The following VWF variants were observed in gnomAD, a reference collection of about 807,000 sequenced individuals.
VWF encodes Factor VIII related antigen.
In VWF, 176 loss-of-function variants were observed where a neutral mutation model predicts 308.6. The observed-to-expected ratio is 0.57, with a 90% CI of 0.50 to 0.65. The LOEUF (loss-of-function observed/expected upper bound fraction) is 0.65, where lower values mean the gene tolerates loss of function less well. VWF is among the 30% of genes least tolerant of loss of function. The pLI is 0.00. For synonymous variants in VWF, 1,385 were observed against 1,443.4 expected, an observed-to-expected ratio of 0.96 and a Z score of 0.92; for missense variants, 3,146 against 3,648.2, an observed-to-expected ratio of 0.86 and a Z score of 3.55.
intron 6 of VWF, among the ~76,000 whole-genome samples, chr12:6,090,384 G>A (rs769966688): frequency 2.0e-5 from 3 of 152,094 alleles, no homozygotes; most frequent in Non-Finnish European, 2.9e-5. Context: ...GAGATATCTG[G>A]GCACCTTGTT....
At chr12:6,044,521 T>C in intron 17 of VWF, 70 bp from the exon 18 acceptor site, 1 of 1,553,676 alleles carries the variant, frequency 6.4e-7, no homozygotes, top group Non-Finnish European at 8.7e-7. Context: ...CACTGTCCTT[T>C]GGTCCCCTAG....
intron 6 of VWF, among the ~76,000 whole-genome samples, chr12:6,091,019 C>T (rs1945028924): frequency 6.6e-6 from 1 of 152,196 alleles, no homozygotes; most frequent in Non-Finnish European, 1.5e-5. Flanking sequence ...CGGTACTGGG[C>T]TAGGATCCAG....
At chr12:6,081,652 T>C (rs1420264194) in intron 6 of VWF, among the ~76,000 whole-genome samples, 2 of 152,182 alleles carry the variant, frequency 1.3e-5, no homozygotes, top group African/African-American at 4.8e-5. Flanking sequence ...TCAGTGGTTC[T>C]TAAGGTGAGG....
In VWF at chr12:6,110,970, T is replaced by A. The variant is rs1195620730; in HGVS notation, c.221-2A>T. 1 of 1,613,460 alleles carries A rather than the reference T, an allele frequency of 6.2e-7. No individual in the cohort carries two copies. Among genetic ancestry groups the A allele is most frequent in the Non-Finnish European group, 8.5e-7 (1 of 1,179,442 alleles). ...CTCTCTTGCCATTCTGGAAGTCCCC[T>A]GAAAGAGAAAAAAGTCAATAGTAGT... is the stretch of plus-strand genomic sequence containing the variant. On this transcript the variant is annotated splice_acceptor_variant, in intron 3 of 51. Transcript: ENST00000261405. LOFTEE classifies it high-confidence loss of function.
rs34230288 is a variant in VWF, at chr12:5,993,928, C to T, written c.6532G>A (p.Ala2178Thr). 9 of 1,613,878 alleles carry T rather than the reference C, an allele frequency of 5.6e-6. No homozygotes were observed. Among genetic ancestry groups the T allele is most frequent in the African/African-American group, 2.7e-5 (2 of 74,878 alleles). The change falls in exon 37 of 52, where the codon GCC becomes ACC. Residue 2178 changes from alanine to threonine, a missense_variant. Coordinates refer to ENST00000261405, the MANE Select transcript of VWF (RefSeq NM_000552.5). ...GTCCGACAGAGGTGGGCATAAGAGG[C>T]GATCACCTCACACACTTGCTCCTGG... ...CHQEQVCEVI[A>T]SYAHLCRTNG...
rs751816462 is a variant in VWF, at chr12:6,016,651, G to A, written c.5176C>T (p.Arg1726Cys). Residue 1726 changes from arginine (R) to cysteine (C), a missense_variant, in exon 30 of 52, where the codon CGT becomes TGT. By Grantham distance (180) the Arg-to-Cys change is radical. This residue lies in a region of VWF where 853 missense variants were observed against 1,177.8 expected (regional missense o/e 0.72). Transcript: ENST00000261405. The part of the protein sequence containing the change: ...AFISKANIGP[R>C]LTQVSVLQYG... ...TGCAGCACTGACACCTGAGTGAGAC[G>A]AGGCCCTAAACGGAACGAGAAAATG... 2.2e-5 allele frequency: 36 copies of A among 1,614,096 alleles called. No homozygotes were observed. The highest frequency in any genetic ancestry group is 2.7e-5 in the Non-Finnish European group (32 of 1,180,056).
At chr12:5,951,764 G>T in intron 50 of VWF, 80 bp downstream of exon 50, 1 of 1,492,742 alleles carries the variant, frequency 6.7e-7, no homozygotes, top group Non-Finnish European at 9.4e-7. Context: ...TTGCTAATGG[G>T]TTTCAAGGAG....
intron 42 of VWF, among the ~76,000 whole-genome samples, chr12:5,978,214 C>T (rs948936691): frequency 2.6e-5 from 4 of 151,060 alleles, no homozygotes; most frequent in Non-Finnish European, 5.9e-5. Context: ...ACAAATATCC[C>T]CCAATGAGGT....
intron 47 of VWF, among the ~76,000 whole-genome samples, chr12:5,962,201 A>C (rs1160252360): frequency 6.6e-6 from 1 of 152,204 alleles, no homozygotes; most frequent in Non-Finnish European, 1.5e-5. Flanking sequence ...AGACCTAAAT[A>C]ATCGAAGAGA....
intron 6 of VWF, 109 bp downstream of exon 6, chr12:6,095,351 C>T (rs1346253323): frequency 4.5e-6 from 7 of 1,547,240 alleles, no homozygotes; most frequent in Admixed American, 1.7e-5. Context: ...AATGGCCCTG[C>T]GTAAGTCCAT....
At position 6,110,818 on chromosome 12, in the gene VWF, G is replaced by A. The variant is rs766674950; in HGVS notation, c.323+48C>T. On this transcript the variant is annotated intron_variant, in intron 4 of 51. Transcript: ENST00000261405. The stretch of plus-strand genomic sequence containing the variant: ...CCTCATCTAAAAATGAGGGGGTTGT[G>A]TCAGGGGATCCCTAGGGTCCTTTCT... 7.6e-6 allele frequency: 12 copies of A among 1,578,690 alleles called. No individual in the cohort carries two copies. In the South Asian group the frequency reaches 1.3e-4, roughly 17 times the overall value.
At chr12:6,080,062 A>G (rs1369273607) in intron 6 of VWF, among the ~76,000 whole-genome samples, 1 of 151,746 alleles carries the variant, frequency 6.6e-6, no homozygotes, top group African/African-American at 2.4e-5. Context: ...CACACTTCAG[A>G]TCAAGAGCCT....
intron 28 of VWF, 45 bp from the exon 29 acceptor site, chr12:6,016,915 A>G (rs1835155174): frequency 2.5e-6 from 4 of 1,590,010 alleles, no homozygotes; most frequent in African/African-American, 2.7e-5. Flanking sequence ...GCCAGCAGGG[A>G]CAATGGCCAC....
chr12:6,099,751 T>C (rs1234650093), intron 5 of VWF, among the ~76,000 whole-genome samples: 2 of 151,926 alleles, frequency 1.3e-5, no homozygotes, highest in Non-Finnish European at 2.9e-5. Flanking sequence ...TCAAGATGGA[T>C]TAAAGACTTA....
rs1943745750 is a variant in VWF at position 5,991,730 on chromosome 12, T to C, written c.6798+89A>G. Reference sequence around the variant, plus strand: ...GTAAGAGTCAACCCTGCTGCCACAGTTGGAAGAGGCCAATCACTGGTGAAC... The same window carrying C: ...GTAAGAGTCAACCCTGCTGCCACAGCTGGAAGAGGCCAATCACTGGTGAAC... On this transcript the variant is annotated intron_variant, in intron 38 of 51. Coordinates refer to ENST00000261405, the MANE Select transcript of VWF (RefSeq NM_000552.5). 17 of 1,432,308 alleles carry C rather than the reference T, an allele frequency of 1.2e-5. 1 individual carries two copies. The South Asian group carries it at 1.8e-4, about 16-fold the overall frequency. 88.7% of individuals were successfully genotyped at this position (1,432,308 alleles called of 1,614,324 possible). A position where few individuals can be genotyped will look rare whatever the true frequency, so the allele number is the denominator to read the frequency against.
chr12:5,952,317 G>T (rs895350586), intron 49 of VWF, 74 bp downstream of exon 49: 2 of 1,595,810 alleles, frequency 1.3e-6, no homozygotes, highest in South Asian at 2.2e-5. Flanking sequence ...GCCGGAGCTG[G>T]GATGCACACT....
At chr12:6,028,462 A>T (rs758774849) in intron 22 of VWF, among the ~76,000 whole-genome samples, 15 of 152,210 alleles carry the variant, frequency 9.9e-5, no homozygotes, top group Non-Finnish European at 1.6e-4. Flanking sequence ...TAATTGTCAG[A>T]TTTACCAGGT....
intron 20 of VWF, among the ~76,000 whole-genome samples, chr12:6,032,561 C>T (rs548178923): frequency 6.6e-6 from 1 of 151,534 alleles, no homozygotes; most frequent in African/African-American, 2.4e-5. Context: ...TGGCATGAAT[C>T]GAGGAGGCGG....
intron 18 of VWF, among the ~76,000 whole-genome samples, chr12:6,037,148 G>A (rs923651984): frequency 1.9e-4 from 29 of 152,166 alleles, no homozygotes; most frequent in Non-Finnish European, 2.8e-4. Context: ...AAGACTAGAA[G>A]GAAATACAGA....
Sources: allele counts gnomAD v4.1 joint callset (sites outside exome capture counted in the v4.1 genomes callset), GRCh38; gene constraint gnomAD v4.1.1; regional missense constraint gnomAD v4.1.1; transcripts MANE v1.5; gene names NCBI Gene and HGNC (gene_info 2026-07-23, HGNC 2026-07-21).